The following GNB5 variants were observed in gnomAD, a reference collection of about 807,000 sequenced individuals.
The protein encoded by GNB5 is G protein subunit beta 5, also known as guanine nucleotide-binding protein subunit beta-5.
A neutral mutation model predicts 55.3 loss-of-function variants in GNB5; 37 were observed. The ratio of observed to expected loss-of-function variants is 0.67; its 90% CI spans 0.51 to 0.88. The LOEUF (loss-of-function observed/expected upper bound fraction) is 0.88, where lower values mean the gene tolerates loss of function less well. GNB5 is among the 40% of genes least tolerant of loss of function. GNB5 has a pLI of 0.00. For missense variants in GNB5, 476 were observed against 515.3 expected, an observed-to-expected ratio of 0.92 and a Z score of 0.74; for synonymous variants, 219 against 198.5, an observed-to-expected ratio of 1.10 and a Z score of -0.87.
At chr15:52,168,397 G>C (rs2034491783) in intron 3 of GNB5, among the ~76,000 whole-genome samples, 1 of 152,014 alleles carries the variant, frequency 6.6e-6, no homozygotes, top group African/African-American at 2.4e-5. Context: ...CAAATACCTG[G>C]GAATACAGCT....
At chr15:52,140,792 C>T (rs984132172) in intron 7 of GNB5, among the ~76,000 whole-genome samples, 2 of 152,070 alleles carry the variant, frequency 1.3e-5, no homozygotes, top group Admixed American at 6.6e-5. Context: ...CTCTGAAGCC[C>T]GACAGCTCAG....
At position 52,126,008 on chromosome 15, in the gene GNB5, C is replaced by A; in HGVS notation, c.949G>T (p.Ala317Ser). The A allele has an allele frequency of 6.3e-7, 1 of 1,587,902 alleles. No homozygotes were observed. Among genetic ancestry groups the A allele is most frequent in the South Asian group, 1.1e-5 (1 of 89,274 alleles). The change falls in exon 11 of 13, where the codon GCC (alanine) becomes TCC (serine). Residue 317 changes from alanine to serine, a missense_variant. Ala to Ser is a moderately conservative substitution (Grantham distance 99). Transcript: ENST00000261837. ...ATGATGCTTTCTTTGGAATAGATGG[C>A]AACCTCCCTATCTGCCCGCAGGTCA... Reference protein sequence around the residue: ...LYDLRADREVAIYSKESIIFG... With the variant: ...LYDLRADREVSIYSKESIIFG...
chr15:52,132,636 A>ATTTTTTTTT lies in GNB5; in HGVS notation c.863+733_863+741dup, dbSNP rs1216272462. ...CTCCACACATCACCATGCCCTGCTA[A>ATTTTTTTTT]TTTTTTTTTTTTTTTTGGTAGAGAC... On this transcript the variant is annotated intron_variant, in intron 9 of 12. Transcript: ENST00000261837. Among the ~76,000 whole-genome samples the ATTTTTTTTT allele has an allele frequency of 6.2e-3, 836 of 134,626 alleles. 20 individuals carry two copies. The highest frequency in any genetic ancestry group is 0.022 in the East Asian group (104 of 4,688). The allele number at this position is 134,626 out of a possible 152,430, so 88.3% of individuals were successfully genotyped here. A position where few individuals can be genotyped will look rare whatever the true frequency, so the allele number is the denominator to read the frequency against.
At chr15:52,180,092 C>G (rs921892408) in intron 2 of GNB5, 13 of 418,052 alleles carry the variant, frequency 3.1e-5, no homozygotes, top group Non-Finnish European at 4.9e-5. Flanking sequence ...GGTGCGATGT[C>G]CGCGTCAGCC....
At chr15:52,169,259 G>A (rs56032655) in intron 3 of GNB5, among the ~76,000 whole-genome samples, 70,005 of 151,656 alleles carry the variant, frequency 0.46, 19,813 homozygotes, top group Non-Finnish European at 0.64. Flanking sequence ...GGCGGAGGCT[G>A]CAGTGAGCCG....
At chr15:52,180,483 T>C (rs1317835664) in intron 2 of GNB5, 1 of 152,230 alleles carries the variant, frequency 6.6e-6, no homozygotes, top group Admixed American at 6.5e-5. Flanking sequence ...AACTAGTTGC[T>C]GGGTTCTCAG....
rs889511983 is a variant in GNB5, at chr15:52,115,884, G to A, written c.*6873C>T. ...CCACCAATCTGCTTTTTGTCTTTAT[G>A]AGTTTGCTTATTAGGACCTTTCATA... On this transcript the variant is annotated 3_prime_UTR_variant, in exon 13 of 13. Transcript: ENST00000261837. The A allele has an allele frequency of 2.6e-5, 4 of 152,162 alleles. No individual in the cohort carries two copies. The highest frequency in any genetic ancestry group is 4.8e-5 in the African/African-American group (2 of 41,444). The allele number at this position is 152,162 out of a possible 1,614,324, so 9.4% of individuals were successfully genotyped here.
In GNB5 at chr15:52,124,612, T is replaced by C. The variant is rs899796683; in HGVS notation, c.1037A>G (p.Asp346Gly). The C allele has an allele frequency of 9.3e-6, 15 of 1,613,990 alleles. No individual in the cohort carries two copies. The highest frequency in any genetic ancestry group is 1.2e-5 in the Non-Finnish European group (14 of 1,179,980). ...AACATCCCAGACGTTGATAGTGTAATCATTGTATCCAGCAAACAGCAGGCG... is the reference window on the plus strand; with the variant it reads ...AACATCCCAGACGTTGATAGTGTAACCATTGTATCCAGCAAACAGCAGGCG... ...SGRLLFAGYN[D>G]YTINVWDVLK... The change falls in exon 12 of 13, where the codon GAT (aspartate) becomes GGT (glycine). Residue 346 changes from aspartate (D) to glycine (G), a missense_variant. By Grantham distance (94) the Asp-to-Gly change is moderately conservative. Transcript: ENST00000261837.
In GNB5 at chr15:52,122,285, C is replaced by G. The variant is rs1323196689; in HGVS notation, c.*472G>C. The G allele has an allele frequency of 1.3e-5, 2 of 154,576 alleles. No individual in the cohort carries two copies. The highest frequency in any genetic ancestry group is 4.1e-4 in the South Asian group (2 of 4,846). The allele number at this position is 154,576 out of a possible 1,614,324, so 9.6% of individuals were successfully genotyped here. On this transcript the variant is annotated 3_prime_UTR_variant, in exon 13 of 13. Coordinates refer to ENST00000261837, the MANE Select transcript of GNB5 (RefSeq NM_016194.4). ...TAATTACATTTGGAATTGGAATTTG[C>G]TTCTATCACAGACCAGTCACCAGTC...
intron 9 of GNB5, among the ~76,000 whole-genome samples, chr15:52,130,085 G>A (rs931422916): frequency 6.6e-6 from 1 of 152,162 alleles, no homozygotes; most frequent in Non-Finnish European, 1.5e-5. Context: ...TAGGCCAGTG[G>A]GGGCAGGAGA....
chr15:52,156,770 A>T (rs2034216005), intron 3 of GNB5, among the ~76,000 whole-genome samples: 1 of 151,866 alleles, frequency 6.6e-6, no homozygotes, highest in Non-Finnish European at 1.5e-5. Flanking sequence ...CAAAACAAAA[A>T]CCTTGCTAAA....
At chr15:52,168,689 T>G (rs554787826) in intron 3 of GNB5, among the ~76,000 whole-genome samples, 1 of 152,268 alleles carries the variant, frequency 6.6e-6, no homozygotes, top group African/African-American at 2.4e-5. Flanking sequence ...GGAACAAAGC[T>G]GGAGGCATCA....
chr15:52,158,360 A>G (rs1415104625), intron 3 of GNB5, among the ~76,000 whole-genome samples: 2 of 152,244 alleles, frequency 1.3e-5, no homozygotes, highest in African/African-American at 2.4e-5. Flanking sequence ...ATTCTCCAGC[A>G]TGGCGTACAG....
intron 9 of GNB5, chr15:52,128,552 C>G: frequency 1.7e-6 from 1 of 585,696 alleles, no homozygotes; most frequent in East Asian, 3.7e-5. Context: ...AAGACTTGGC[C>G]CAGAGCTCAG....
chr15:52,173,629 G>C (rs796520948), intron 3 of GNB5, among the ~76,000 whole-genome samples: 10 of 152,358 alleles, frequency 6.6e-5, no homozygotes, highest in African/African-American at 2.4e-4. Context: ...AACTAGGTCA[G>C]TTAGGGAGAC....
intron 12 of GNB5, among the ~76,000 whole-genome samples, chr15:52,123,357 A>G (rs2033324788): frequency 6.6e-6 from 1 of 151,656 alleles, no homozygotes; most frequent in Non-Finnish European, 1.5e-5. Context: ...TCCTAAAACT[A>G]TTATGCCACA....
chr15:52,141,842 T>C (rs1188676054), intron 6 of GNB5, among the ~76,000 whole-genome samples: 2 of 152,200 alleles, frequency 1.3e-5, no homozygotes, highest in Non-Finnish European at 2.9e-5. Context: ...AAAACCTCCA[T>C]AACACCATTT....
chr15:52,177,645 C>T (rs370026196), intron 3 of GNB5, among the ~76,000 whole-genome samples: 4 of 141,774 alleles, frequency 2.8e-5, no homozygotes, highest in East Asian at 2.0e-4. Flanking sequence ...AGGGAGACTC[C>T]GTGTCAAAAA....
At chr15:52,124,358 G>A (rs368935305) in intron 12 of GNB5, 115 bp downstream of exon 12, 224 of 778,174 alleles carry the variant, frequency 2.9e-4, no homozygotes, top group Middle Eastern at 2.7e-3. Context: ...AGAGCTCGGC[G>A]AGGCTGACCA....
Sources: gnomAD v4.1 joint callset for allele counts (sites outside exome capture counted in the v4.1 genomes callset) on GRCh38, gnomAD v4.1.1 for gene constraint, MANE v1.5 for transcripts, NCBI Gene and HGNC (gene_info 2026-07-23, HGNC 2026-07-21) for gene names.